CIDEC: variants seen among roughly 807,000 people sequenced by gnomAD.
The protein encoded by CIDEC is cell death inducing DFFA like effector c.
Under a neutral mutation model 21.9 loss-of-function variants are expected in CIDEC, and 11 were observed. The observed-to-expected ratio is 0.50, with a 90% CI of 0.32 to 0.83. The LOEUF is 0.83. Among genes scored for constraint, CIDEC ranks in the 40% least tolerant of loss-of-function variants. The pLI, the probability that CIDEC is intolerant of heterozygous loss-of-function variation, is 0.04. For synonymous variants in CIDEC, 127 were observed against 124.9 expected (o/e 1.02, Z -0.11); for missense variants, 302 against 302.3 (o/e 1.00, Z 0.01).
rs370392826 is a variant in CIDEC at position 9,877,136 on chromosome 3, C to T, written c.137G>A (p.Arg46His). 34 of 1,552,178 alleles carry T rather than the reference C, an allele frequency of 2.2e-5. No individual in the cohort carries two copies. Among genetic ancestry groups the T allele is most frequent in the South Asian group, 8.3e-5 (7 of 84,100 alleles). Residue 46 changes from arginine to histidine, a missense_variant, in exon 4 of 7, where the codon CGC becomes CAC. Physicochemically the swap from Arg to His is conservative, Grantham distance 29. Coordinates refer to ENST00000336832, the MANE Select transcript of CIDEC (RefSeq NM_001321142.2). ...CACGCTTCGATCCGCCGTGCTTACG[C>T]GGCAGGGCCGGGCCCTGGGGGCCTT... is the stretch of plus-strand genomic sequence containing the variant. ...SPKAPRARPC[R>H]VSTADRSVRK...
chr3:9,875,698 T>A (rs1306654645), intron 4 of CIDEC, among the ~76,000 whole-genome samples: 2 of 152,242 alleles, frequency 1.3e-5, no homozygotes, highest in African/African-American at 4.8e-5. Context: ...AAGGAGAATA[T>A]CCTTGTTTGT....
At chr3:9,872,035 T>C (rs1163208555) in intron 4 of CIDEC, among the ~76,000 whole-genome samples, 1 of 151,976 alleles carries the variant, frequency 6.6e-6, no homozygotes, top group African/African-American at 2.4e-5. Flanking sequence ...GTTCTCGAAC[T>C]CCTGGATGCT....
chr3:9,867,061 G>A lies in CIDEC; in HGVS notation c.*73C>T. The A allele has an allele frequency of 6.5e-7, 1 of 1,531,182 alleles. No individual in the cohort carries two copies. The highest frequency in any genetic ancestry group is 9.0e-7 in the Non-Finnish European group (1 of 1,106,134). The allele number at this position is 1,531,182 out of a possible 1,614,324, so 94.8% of individuals were successfully genotyped here. ...TCGCGGCTCTACAGCTGCCAGGCTTGTGGGCACTACCAGTTAAGCGTGAGG... is the reference window on the plus strand; with the variant it reads ...TCGCGGCTCTACAGCTGCCAGGCTTATGGGCACTACCAGTTAAGCGTGAGG... On this transcript the variant is annotated 3_prime_UTR_variant, in exon 7 of 7. Transcript: ENST00000336832.
At chr3:9,872,659 G>A (rs1048580157) in intron 4 of CIDEC, among the ~76,000 whole-genome samples, 2 of 151,850 alleles carry the variant, frequency 1.3e-5, no homozygotes, top group African/African-American at 2.4e-5. Flanking sequence ...TTTGTGGGCT[G>A]TGTTTTTTAC....
intron 2 of CIDEC, chr3:9,878,733 C>G: frequency 6.5e-7 from 1 of 1,535,638 alleles, no homozygotes; most frequent in East Asian, 2.4e-5. Context: ...GGTGCTCAGG[C>G]TCAGCCTCAC....
chr3:9,878,999 G>C lies in CIDEC; in HGVS notation c.-83C>G, dbSNP rs1361100876. 1.6e-6 allele frequency: 1 copy of C among 639,372 alleles called. No individual in the cohort carries two copies. Among genetic ancestry groups the C allele is most frequent in the African/African-American group, 1.8e-5 (1 of 55,432 alleles). The allele number at this position is 639,372 out of a possible 1,614,324, so 39.6% of individuals were successfully genotyped here. ...CAGTCAAAGCCTCCTCTCTCCCATGGGTCCTTGAGCAATCCGAGCCCCTTC... is the reference window on the plus strand; with the variant it reads ...CAGTCAAAGCCTCCTCTCTCCCATGCGTCCTTGAGCAATCCGAGCCCCTTC... On this transcript the variant is annotated 5_prime_UTR_variant, in exon 2 of 7. Transcript: ENST00000336832.
intron 4 of CIDEC, among the ~76,000 whole-genome samples, chr3:9,871,978 T>A (rs553087105): frequency 6.6e-6 from 1 of 152,030 alleles, no homozygotes; most frequent in South Asian, 2.1e-4. Flanking sequence ...TTTGTTTTGT[T>A]TTTTGTTTTT....
chr3:9,868,709 C>A (rs983685435), intron 6 of CIDEC, among the ~76,000 whole-genome samples: 1 of 152,198 alleles, frequency 6.6e-6, no homozygotes, highest in African/African-American at 2.4e-5. Flanking sequence ...ACAAATGACT[C>A]TGGTCCATAA....
At chr3:9,874,089 T>C (rs1258712698) in intron 4 of CIDEC, among the ~76,000 whole-genome samples, 3 of 152,150 alleles carry the variant, frequency 2.0e-5, no homozygotes, top group Non-Finnish European at 4.4e-5. Flanking sequence ...AAAGAAAGCA[T>C]GCAAAGAATG....
Position 9,872,417 on chromosome 3 carries a change from C to T in CIDEC, c.208-2095G>A, listed in dbSNP as rs111512139. Among the ~76,000 whole-genome samples, 238 of 152,222 alleles carry T rather than the reference C, an allele frequency of 1.6e-3. 2 individuals carry two copies. Among genetic ancestry groups the T allele is most frequent in the African/African-American group, 5.5e-3 (227 of 41,544 alleles). On this transcript the variant is annotated intron_variant, in intron 4 of 6. Coordinates refer to ENST00000336832, the MANE Select transcript of CIDEC (RefSeq NM_001321142.2). ...CTTGAACTCCTGGGCTCAAGCGATC[C>T]GCCTGCCTCCACCTCCCGAAGTGCT...
chr3:9,878,640 C>T, intron 2 of CIDEC, 129 bp from the exon 3 acceptor site: 1 of 1,252,538 alleles, frequency 8.0e-7, no homozygotes, highest in East Asian at 2.5e-5. Flanking sequence ...CCAACTCACA[C>T]ATACCTCCCC....
chr3:9,876,291 T>G (rs940853313), intron 4 of CIDEC, among the ~76,000 whole-genome samples: 1 of 147,874 alleles, frequency 6.8e-6, no homozygotes, highest in African/African-American at 2.5e-5. Flanking sequence ...CTGGCCAACA[T>G]GACAAAACCC....
chr3:9,869,850 A>G (rs375118526), intron 6 of CIDEC, 32 bp downstream of exon 6: 11 of 1,605,364 alleles, frequency 6.9e-6, no homozygotes, highest in Non-Finnish European at 8.5e-6. Flanking sequence ...GCCTGTACCC[A>G]CCCTGTCCCC....
At chr3:9,877,004 G>A (rs1293012243) in intron 4 of CIDEC, 62 bp downstream of exon 4, 4 of 1,409,956 alleles carry the variant, frequency 2.8e-6, no homozygotes, top group African/African-American at 2.9e-5. Context: ...TCTAAGCCCT[G>A]ACCTCCATCT....
chr3:9,875,376 C>CAAAAAAAA (rs34070196), intron 4 of CIDEC, among the ~76,000 whole-genome samples: 7 of 116,764 alleles, frequency 6.0e-5, no homozygotes, highest in Admixed American at 9.2e-5. Context: ...GACTCTGTCT[C>CAAAAAAAA]AAAAAAAAAA....
At chr3:9,876,796 G>A (rs1156856533) in intron 4 of CIDEC, among the ~76,000 whole-genome samples, 1 of 150,188 alleles carries the variant, frequency 6.7e-6, no homozygotes, top group Non-Finnish European at 1.5e-5. Flanking sequence ...TAATGGAAGT[G>A]GGAAGCATGA....
At chr3:9,872,432 C>T (rs989086339) in intron 4 of CIDEC, among the ~76,000 whole-genome samples, 1 of 152,186 alleles carries the variant, frequency 6.6e-6, no homozygotes. Flanking sequence ...GCCTCCACCT[C>T]CCGAAGTGCT....
chr3:9,868,277 A>G (rs1280767530), intron 6 of CIDEC, among the ~76,000 whole-genome samples: 1 of 152,226 alleles, frequency 6.6e-6, no homozygotes, highest in African/African-American at 2.4e-5. Flanking sequence ...TAATCTCCAT[A>G]ACATGGTTCT....
chr3:9,867,443 ATC>A, intron 6 of CIDEC, 147 bp from the exon 7 acceptor site: 3 of 777,428 alleles, frequency 3.9e-6, no homozygotes, highest in Non-Finnish European at 6.5e-6. Flanking sequence ...AACATGGCGA[ATC>A]TCTGTCTCTA....
Sources: gnomAD v4.1 joint callset for allele counts (sites outside exome capture counted in the v4.1 genomes callset) on GRCh38, gnomAD v4.1.1 for gene constraint, MANE v1.5 for transcripts, NCBI Gene and HGNC (gene_info 2026-07-23, HGNC 2026-07-21) for gene names.